SIL1: variants seen among roughly 807,000 people sequenced by gnomAD.
The protein encoded by SIL1 is SIL1 nucleotide exchange factor.
A neutral mutation model predicts 49.1 loss-of-function variants in SIL1; 40 were observed. The observed-to-expected ratio is 0.81, with a 90% CI of 0.63 to 1.06. The LOEUF is 1.06. Ranked by LOEUF, SIL1 falls within the 50% of genes least tolerant of loss-of-function variation. SIL1 has a pLI of 0.00. For synonymous variants in SIL1, 253 were observed against 250.8 expected, an observed-to-expected ratio of 1.01 and a Z score of -0.08; for missense variants, 500 against 572.6, an observed-to-expected ratio of 0.87 and a Z score of 1.29.
At chr5:139,058,139 T>C (rs749673913) in intron 3 of SIL1, among the ~76,000 whole-genome samples, 6 of 152,194 alleles carry the variant, frequency 3.9e-5, no homozygotes, top group Non-Finnish European at 7.3e-5. Context: ...CTTGAAAACA[T>C]TGTGCTAAGT....
intron 1 of SIL1, among the ~76,000 whole-genome samples, chr5:139,138,987 G>A (rs1297681576): frequency 1.3e-5 from 2 of 152,148 alleles, no homozygotes; most frequent in African/African-American, 4.8e-5. Context: ...AGTGCCAGCT[G>A]ACTGACATCA....
intron 1 of SIL1, among the ~76,000 whole-genome samples, chr5:139,193,968 T>C (rs1752220667): frequency 6.6e-6 from 1 of 152,246 alleles, no homozygotes; most frequent in Non-Finnish European, 1.5e-5. Context: ...TCCATTTGTC[T>C]AGTCCTATGC....
intron 1 of SIL1, among the ~76,000 whole-genome samples, chr5:139,138,532 C>A (rs368597950): frequency 1.3e-5 from 2 of 152,236 alleles, no homozygotes; most frequent in Admixed American, 6.5e-5. Flanking sequence ...CAACCCACTA[C>A]AGTGTAATAG....
chr5:139,171,582 C>T (rs1020208967), intron 1 of SIL1, among the ~76,000 whole-genome samples: 2 of 151,956 alleles, frequency 1.3e-5, no homozygotes, highest in Non-Finnish European at 2.9e-5. Context: ...ACAGGGTCCT[C>T]TGCCTAGGAA....
chr5:139,104,650 A>G (rs1303410667), intron 3 of SIL1, among the ~76,000 whole-genome samples: 3 of 152,214 alleles, frequency 2.0e-5, no homozygotes, highest in Non-Finnish European at 4.4e-5. Flanking sequence ...CTGACATATC[A>G]ACATAATGAC....
At chr5:139,133,805 T>C (rs1750917642) in intron 1 of SIL1, among the ~76,000 whole-genome samples, 1 of 152,222 alleles carries the variant, frequency 6.6e-6, no homozygotes, top group Non-Finnish European at 1.5e-5. Context: ...CTGGGAAAAG[T>C]GAAAGGGCAA....
intron 1 of SIL1, among the ~76,000 whole-genome samples, chr5:139,176,900 T>C (rs1448002264): frequency 1.3e-5 from 2 of 150,892 alleles, no homozygotes; most frequent in Non-Finnish European, 1.5e-5. Flanking sequence ...CAAGGTCACA[T>C]AGCTTCCAAG....
intron 1 of SIL1, among the ~76,000 whole-genome samples, chr5:139,135,693 G>T (rs760787224): frequency 6.9e-6 from 1 of 144,766 alleles, no homozygotes; most frequent in African/African-American, 2.6e-5. Context: ...TTCAAGAAGG[G>T]AGCTAAACAA....
intron 4 of SIL1, 50 bp downstream of exon 4, chr5:139,050,888 A>C: frequency 6.8e-7 from 1 of 1,472,468 alleles, no homozygotes; most frequent in Non-Finnish European, 9.5e-7. Flanking sequence ...ATTACAATAC[A>C]AAATCAACGT....
chr5:138,974,935 GGCTT>G (rs1767365286), intron 7 of SIL1, among the ~76,000 whole-genome samples: 1 of 152,128 alleles, frequency 6.6e-6, no homozygotes, highest in Non-Finnish European at 1.5e-5. Flanking sequence ...AGGAAGCTGA[GGCTT>G]AGGTTAAGTA....
At chr5:139,040,591 C>T (rs375817665) in intron 5 of SIL1, among the ~76,000 whole-genome samples, 4 of 149,806 alleles carry the variant, frequency 2.7e-5, no homozygotes, top group South Asian at 2.1e-4. Context: ...CTCCACCTCC[C>T]GGTTTCAAGT....
intron 1 of SIL1, among the ~76,000 whole-genome samples, chr5:139,170,245 G>A (rs1751723136): frequency 6.6e-6 from 1 of 152,126 alleles, no homozygotes. Context: ...AGCCTGCCTT[G>A]GCCTCCCAAA....
intron 1 of SIL1, among the ~76,000 whole-genome samples, chr5:139,139,843 T>C (rs1477119195): frequency 6.8e-6 from 1 of 146,908 alleles, no homozygotes; most frequent in Non-Finnish European, 1.5e-5. Context: ...CAAAAACTAG[T>C]TGGGGCCGGG....
At chr5:139,185,171 G>A (rs1027624318) in intron 1 of SIL1, among the ~76,000 whole-genome samples, 1 of 152,096 alleles carries the variant, frequency 6.6e-6, no homozygotes, top group Non-Finnish European at 1.5e-5. Context: ...TGCCTGTTAG[G>A]TTCACTGTTG....
chr5:139,156,503 A>T (rs1751410059), intron 1 of SIL1, among the ~76,000 whole-genome samples: 1 of 152,092 alleles, frequency 6.6e-6, no homozygotes, highest in Admixed American at 6.5e-5. Context: ...AGTCTGGCTG[A>T]GGGAGGGAAT....
chr5:139,117,689 T>A (rs1771023283), intron 3 of SIL1, among the ~76,000 whole-genome samples: 1 of 152,052 alleles, frequency 6.6e-6, no homozygotes, highest in African/African-American at 2.4e-5. Flanking sequence ...CTCCGTAAGG[T>A]GAGGCAGATC....
chr5:139,119,095 G>C (rs1404017146), intron 3 of SIL1, among the ~76,000 whole-genome samples: 1 of 152,168 alleles, frequency 6.6e-6, no homozygotes, highest in Non-Finnish European at 1.5e-5. Flanking sequence ...GAGTTTACCA[G>C]GGACTCTTGA....
At chr5:138,957,121 A>G (rs1766920183) in intron 7 of SIL1, among the ~76,000 whole-genome samples, 1 of 152,102 alleles carries the variant, frequency 6.6e-6, no homozygotes, top group Non-Finnish European at 1.5e-5. Context: ...AGACACAATC[A>G]TCTGCCCACC....
At chr5:139,035,642 C>CTTTTTTTTTTTTTTTTTTT in intron 5 of SIL1, 1 of 153,104 alleles carries the variant, frequency 6.5e-6, no homozygotes, top group Non-Finnish European at 1.1e-5. Flanking sequence ...AGGTATACAA[C>CTTTTTTTTTTTTTTTTTTT]TTTTTTTTTT....
Sources: allele counts gnomAD v4.1 joint callset (sites outside exome capture counted in the v4.1 genomes callset), GRCh38; gene constraint gnomAD v4.1.1; transcripts MANE v1.5; gene names NCBI Gene and HGNC (gene_info 2026-07-23, HGNC 2026-07-21).